The following IL1F10 variants were observed in gnomAD, a reference collection of about 807,000 sequenced individuals.
IL1F10 encodes the protein interleukin-1 family member 10.
A neutral mutation model predicts 13.1 loss-of-function variants in IL1F10; 13 were observed. The observed-to-expected ratio is 0.99, with a 90% CI of 0.64 to 1.57. IL1F10 has a LOEUF of 1.57. IL1F10 is among the 40% of genes most tolerant of loss of function. The pLI, the probability that IL1F10 is intolerant of heterozygous loss-of-function variation, is 0.00. For missense variants in IL1F10, 191 were observed against 184.1 expected (o/e 1.04, Z -0.22); for synonymous variants, 78 against 68.2 (o/e 1.14, Z -0.71).
chr2:113,071,388 T>G (rs989532786), intron 1 of IL1F10, among the ~76,000 whole-genome samples: 8 of 152,246 alleles, frequency 5.3e-5, no homozygotes, highest in African/African-American at 1.7e-4. Context: ...GCAGTGAACA[T>G]TTTTGTAAGT....
At chr2:113,071,890 GC>G (rs1395987197) in intron 1 of IL1F10, among the ~76,000 whole-genome samples, 2 of 152,058 alleles carry the variant, frequency 1.3e-5, no homozygotes, top group Non-Finnish European at 2.9e-5. Context: ...AGTCATACTT[GC>G]GTTACTTTCC....
rs772224080 is a variant in IL1F10 at position 113,074,626 on chromosome 2, C to T, written c.119-97C>T. 5 of 1,469,360 alleles carry T rather than the reference C, an allele frequency of 3.4e-6. No homozygotes were observed. The South Asian group carries it at 5.7e-5, about 17-fold the overall frequency. The allele number at this position is 1,469,360 out of a possible 1,614,324, so 91.0% of individuals were successfully genotyped here. ...TGCATGCAGGGCCAGGCCAGGTGTG[C>T]CCATGTCCAGTTCCTTCCTGCCTGA... On this transcript the variant is annotated intron_variant, in intron 3 of 4. Transcript: ENST00000341010.
At chr2:113,075,001 C>A in intron 4 of IL1F10, 151 bp downstream of exon 4, 3 of 1,223,046 alleles carry the variant, frequency 2.5e-6, no homozygotes, top group Non-Finnish European at 3.5e-6. Flanking sequence ...CACCTAGCAC[C>A]AAGACCCTTG....
chr2:113,074,174 T>C (rs974296364), intron 2 of IL1F10, among the ~76,000 whole-genome samples, 155 bp from the exon 3 acceptor site: 3 of 152,208 alleles, frequency 2.0e-5, no homozygotes, highest in Non-Finnish European at 2.9e-5. Flanking sequence ...GGTCTTTACC[T>C]GCTCTTGGGA....
At position 113,075,467 on chromosome 2, in the gene IL1F10, C is replaced by T. The variant is rs1463386423; in HGVS notation, c.*103C>T. 1.8e-5 allele frequency: 15 copies of T among 816,768 alleles called. No homozygotes were observed. The highest frequency in any genetic ancestry group is 7.8e-5 in the South Asian group (4 of 51,456). 50.6% of individuals were successfully genotyped at this position (816,768 alleles called of 1,614,324 possible). A position where few individuals can be genotyped will look rare whatever the true frequency, so the allele number is the denominator to read the frequency against. On this transcript the variant is annotated 3_prime_UTR_variant, in exon 5 of 5. Transcript: ENST00000341010. ...ATGTCCCCCGAAATATGTCCACATCCTAATCCCAAGATCTGTGCATATGTT... is the reference window on the plus strand; with the variant it reads ...ATGTCCCCCGAAATATGTCCACATCTTAATCCCAAGATCTGTGCATATGTT...
chr2:113,072,477 G>C, intron 1 of IL1F10: 2 of 478,478 alleles, frequency 4.2e-6, no homozygotes, highest in Non-Finnish European at 3.7e-6. Context: ...CACATCCCAG[G>C]CTCACACCCC....
chr2:113,073,152 A>G (rs1685869373), intron 2 of IL1F10, among the ~76,000 whole-genome samples: 1 of 152,222 alleles, frequency 6.6e-6, no homozygotes, highest in African/African-American at 2.4e-5. Context: ...GAAAGTTTTG[A>G]ATCTCAATGA....
Position 113,072,769 on chromosome 2 carries a change from A to G in IL1F10, c.31A>G (p.Ile11Val). 2 of 1,612,962 alleles carry G rather than the reference A, an allele frequency of 1.2e-6. No individual in the cohort carries two copies. The highest frequency in any genetic ancestry group is 1.7e-6 in the Non-Finnish European group (2 of 1,179,346). Residue 11 changes from isoleucine to valine, a missense_variant and splice_region_variant, in exon 2 of 5, where the codon ATA (isoleucine) becomes GTA (valine). By Grantham distance (29) the Ile-to-Val change is conservative. Coordinates refer to ENST00000341010, the MANE Select transcript of IL1F10 (RefSeq NM_173161.3). MCSLPMARYY[I>V]IKYADQKALY... ...TTCCCTCCCCATGGCAAGATACTAC[A>G]TGTAAGTTGTCCTGGCATGTCCCTG...
intron 4 of IL1F10, 111 bp downstream of exon 4, chr2:113,074,961 A>G (rs1367405950): frequency 2.1e-6 from 3 of 1,397,402 alleles, no homozygotes; most frequent in Non-Finnish European, 3.0e-6. Context: ...CACATGTCCT[A>G]CTTCCTCAGG....
chr2:113,074,732 G>T lies in IL1F10; in HGVS notation c.128G>T (p.Cys43Phe). ...CTCTCTTCCCTCCTAGAGAAGATCT[G>T]CATACTTCCTAACAGAGGCTTGGCC... is the stretch of plus-strand genomic sequence containing the variant. ...VADNCCAEKI[C>F]ILPNRGLART... is the part of the protein sequence containing the mutation. The change falls in exon 4 of 5, where the codon TGC (cysteine) becomes TTC (phenylalanine). Residue 43 changes from cysteine (C) to phenylalanine (F), a missense_variant. Transcript: ENST00000341010. 1 of 1,613,570 alleles carries T rather than the reference G, an allele frequency of 6.2e-7. No homozygotes were observed. The highest frequency in any genetic ancestry group is 8.5e-7 in the Non-Finnish European group (1 of 1,179,476).
chr2:113,071,865 G>A (rs1463794060), intron 1 of IL1F10, among the ~76,000 whole-genome samples: 1 of 151,896 alleles, frequency 6.6e-6, no homozygotes, highest in Non-Finnish European at 1.5e-5. Flanking sequence ...GATCTACTCG[G>A]TAAACCTCAG....
At chr2:113,069,220 A>C (rs28928273) in intron 1 of IL1F10, among the ~76,000 whole-genome samples, 1,817 of 152,226 alleles carry the variant, frequency 0.012, 35 homozygotes, top group African/African-American at 0.041. Flanking sequence ...GAGAAGTGAG[A>C]TGCTATCACA....
chr2:113,069,595 C>T (rs2105075728), intron 1 of IL1F10, among the ~76,000 whole-genome samples: 1 of 152,200 alleles, frequency 6.6e-6, no homozygotes, highest in South Asian at 2.1e-4. Flanking sequence ...ATTAACTTAA[C>T]CTTAAATATA....
chr2:113,072,603 C>T, intron 1 of IL1F10, 108 bp from the exon 2 acceptor site: 1 of 690,288 alleles, frequency 1.4e-6, no homozygotes, highest in Non-Finnish European at 2.5e-6. Context: ...AGACGAATGG[C>T]CTGGGGAACC....
chr2:113,071,383 G>GA (rs1244655369), intron 1 of IL1F10, among the ~76,000 whole-genome samples: 4 of 152,134 alleles, frequency 2.6e-5, no homozygotes, highest in African/African-American at 9.7e-5. Context: ...ATTATGCAGT[G>GA]AACATTTTTG....
At chr2:113,070,419 C>A (rs1050332321) in intron 1 of IL1F10, among the ~76,000 whole-genome samples, 1 of 152,170 alleles carries the variant, frequency 6.6e-6, no homozygotes, top group Non-Finnish European at 1.5e-5. Context: ...TGGACTGGAC[C>A]AGCATTGAAT....
At chr2:113,074,233 T>G in intron 2 of IL1F10, 96 bp from the exon 3 acceptor site, 1 of 780,864 alleles carries the variant, frequency 1.3e-6, no homozygotes. Context: ...ATCGCCCAAA[T>G]GCTCAAGGTG....
chr2:113,075,091 C>T, intron 4 of IL1F10, 61 bp from the exon 5 acceptor site: 1 of 1,491,982 alleles, frequency 6.7e-7, no homozygotes, highest in Non-Finnish European at 9.1e-7. Flanking sequence ...CCCCAGAGGC[C>T]TCCAGGGCTA....
intron 1 of IL1F10, among the ~76,000 whole-genome samples, chr2:113,069,470 G>T (rs1043865536): frequency 1.3e-5 from 2 of 152,258 alleles, no homozygotes; most frequent in African/African-American, 4.8e-5. Flanking sequence ...TGAGTCAGGA[G>T]AAGTAGGAGA....
Sources: gnomAD v4.1 joint callset for allele counts (sites outside exome capture counted in the v4.1 genomes callset) on GRCh38, gnomAD v4.1.1 for gene constraint, MANE v1.5 for transcripts, NCBI Gene and HGNC (gene_info 2026-07-23, HGNC 2026-07-21) for gene names.